Variants in MRTFA observed in about 807,000 individuals in gnomAD.
MRTFA encodes myocardin-related transcription factor A.
A neutral mutation model predicts 83.5 loss-of-function variants in MRTFA; 20 were observed. The observed-to-expected ratio is 0.24, with a 90% confidence interval of 0.17 to 0.35. MRTFA has a LOEUF of 0.35. MRTFA is among the 10% of genes least tolerant of loss of function. The pLI is 1.00. For missense variants in MRTFA, 1,200 were observed against 1,224.7 expected, an observed-to-expected ratio of 0.98 and a Z score of 0.30; for synonymous variants, 659 against 541.2, an observed-to-expected ratio of 1.22 and a Z score of -3.02.
intron 3 of MRTFA, among the ~76,000 whole-genome samples, chr22:40,504,919 C>G (rs1256679424): frequency 6.6e-6 from 1 of 152,230 alleles, no homozygotes; most frequent in Admixed American, 6.5e-5. Context: ...AGCTGATCCT[C>G]TACTTGCTGT....
At chr22:40,470,169 A>G (rs2053874404) in intron 3 of MRTFA, among the ~76,000 whole-genome samples, 1 of 142,702 alleles carries the variant, frequency 7.0e-6, no homozygotes, top group Non-Finnish European at 1.5e-5. Flanking sequence ...TGTTGCAGTG[A>G]GCCGAGATTG....
intron 1 of MRTFA, among the ~76,000 whole-genome samples, chr22:40,609,017 G>A (rs2056352385): frequency 6.6e-6 from 1 of 152,212 alleles, no homozygotes; most frequent in South Asian, 2.1e-4. Context: ...ATTTAGTTGG[G>A]CATGGTGGCT....
chr22:40,553,693 T>G (rs565520297), intron 2 of MRTFA, among the ~76,000 whole-genome samples: 54 of 152,258 alleles, frequency 3.5e-4, no homozygotes, highest in Non-Finnish European at 1.3e-4. Flanking sequence ...TAGGGCAGTA[T>G]GGAAGGCAAA....
Position 40,427,180 on chromosome 22 carries a change from C to T in MRTFA, c.601+2426G>A, listed in dbSNP as rs1258897618. Reference sequence around the variant, plus strand: ...GGCTGGCTGCAGCATCCAGAACTGGCTTGGCCCCTACACTGGCCTATAACT... The same window carrying T: ...GGCTGGCTGCAGCATCCAGAACTGGTTTGGCCCCTACACTGGCCTATAACT... On this transcript the variant is annotated intron_variant, in intron 7 of 14. Transcript: ENST00000355630. 3.9e-5 allele frequency among the ~76,000 whole-genome samples: 6 copies of T among 152,212 alleles called. 1 individual carries two copies. Among genetic ancestry groups the T allele is most frequent in the Non-Finnish European group, 8.8e-5 (6 of 68,036 alleles).
chr22:40,625,343 T>G (rs1025847999), intron 1 of MRTFA, among the ~76,000 whole-genome samples: 3 of 150,772 alleles, frequency 2.0e-5, no homozygotes, highest in Non-Finnish European at 2.9e-5. Flanking sequence ...AGGAGGGGTG[T>G]GTTGGCTCAA....
intron 14 of MRTFA, 187 bp from the exon 15 acceptor site, chr22:40,412,094 AAAG>A (rs1319154359): frequency 6.5e-6 from 3 of 459,512 alleles, no homozygotes; most frequent in African/African-American, 6.0e-5. Flanking sequence ...CATATTTGAT[AAAG>A]AAGTGATATC....
At chr22:40,490,429 C>T (rs911691174) in intron 3 of MRTFA, among the ~76,000 whole-genome samples, 2 of 152,036 alleles carry the variant, frequency 1.3e-5, no homozygotes, top group Non-Finnish European at 2.9e-5. Context: ...GAAACCCTGT[C>T]TCTGCTAAAA....
intron 4 of MRTFA, among the ~76,000 whole-genome samples, chr22:40,459,233 G>T (rs1183399912): frequency 9.7e-6 from 1 of 102,990 alleles, no homozygotes; most frequent in Non-Finnish European, 2.0e-5. Context: ...CTAGGTAGGG[G>T]TCTGGCAAAA....
At chr22:40,555,738 G>A (rs1032179424) in intron 2 of MRTFA, among the ~76,000 whole-genome samples, 3 of 151,230 alleles carry the variant, frequency 2.0e-5, no homozygotes, top group African/African-American at 7.3e-5. Context: ...CTGCATTCAC[G>A]CCATTCTCCT....
intron 4 of MRTFA, among the ~76,000 whole-genome samples, chr22:40,443,258 AC>A (rs2053313490): frequency 1.3e-5 from 2 of 150,598 alleles, no homozygotes; most frequent in Admixed American, 1.3e-4. Context: ...TCAAAAAAAA[AC>A]AAAAACAAAA....
chr22:40,515,641 C>T (rs1013910432), intron 3 of MRTFA, among the ~76,000 whole-genome samples: 11 of 152,104 alleles, frequency 7.2e-5, no homozygotes, highest in African/African-American at 2.7e-4. Context: ...ACCTAGAAAA[C>T]AGAGAGGCAG....
Position 40,429,784 on chromosome 22 carries a change from A to G in MRTFA, c.440-17T>C. 1 of 1,599,354 alleles carries G rather than the reference A, an allele frequency of 6.3e-7. No homozygotes were observed. The highest frequency in any genetic ancestry group is 8.5e-7 in the Non-Finnish European group (1 of 1,173,266). On this transcript the variant is annotated splice_polypyrimidine_tract_variant and intron_variant, in intron 6 of 14. Transcript: ENST00000355630. ...CCGAGGTCTCTGCCCATGGGAGAGA[A>G]AGGGGTGCAGGAAGATATATGAGTG...
At chr22:40,534,266 A>T (rs910142751) in intron 3 of MRTFA, among the ~76,000 whole-genome samples, 3 of 152,168 alleles carry the variant, frequency 2.0e-5, no homozygotes, top group Non-Finnish European at 4.4e-5. Flanking sequence ...ACATTTAACT[A>T]CAGAAGCTCA....
intron 4 of MRTFA, among the ~76,000 whole-genome samples, chr22:40,440,695 G>T (rs1277655342): frequency 1.3e-5 from 2 of 152,164 alleles, no homozygotes; most frequent in African/African-American, 4.8e-5. Context: ...TGTCCCGCCA[G>T]CTTTGTTAAA....
chr22:40,495,781 A>G (rs2054343703), intron 3 of MRTFA, among the ~76,000 whole-genome samples: 1 of 148,274 alleles, frequency 6.7e-6, no homozygotes, highest in Admixed American at 6.7e-5. Flanking sequence ...AAAAAAGTAC[A>G]CTGTCTGGCT....
rs1325050113 is a variant in MRTFA at position 40,423,622 on chromosome 22, G to A, written c.841C>T (p.Pro281Ser). The A allele has an allele frequency of 1.9e-6, 3 of 1,599,238 alleles. No individual in the cohort carries two copies. In the South Asian group the frequency reaches 3.4e-5, roughly 18 times the overall value. ...GGCAGCAGAGGTGGGGGAGGCAGAGGAGGCTGCTCTGCCAGGAAAAGCATT... is the reference window on the plus strand; with the variant it reads ...GGCAGCAGAGGTGGGGGAGGCAGAGAAGGCTGCTCTGCCAGGAAAAGCATT... The change falls in exon 9 of 15, where the codon CCT becomes TCT. Residue 281 changes from proline (P) to serine (S), a missense_variant. Physicochemically the swap from Pro to Ser is moderately conservative, Grantham distance 74. Around this residue, in one of 2 missense-constraint regions of MRTFA, gnomAD observed 1,107 missense variants for 1,041.8 expected, o/e 1.06. Coordinates refer to ENST00000355630, the MANE Select transcript of MRTFA (RefSeq NM_020831.6).
rs112030450 is a variant in MRTFA at position 40,480,085 on chromosome 22, T to C, written c.242-16799A>G. Reference sequence around the variant, plus strand: ...CATCTTATTTCTCACAACAAAGCTATGCAGACGATACAACTGTCATACCAT... The same window carrying C: ...CATCTTATTTCTCACAACAAAGCTACGCAGACGATACAACTGTCATACCAT... On this transcript the variant is annotated intron_variant, in intron 3 of 14. Transcript: ENST00000355630. Among the ~76,000 whole-genome samples the C allele has an allele frequency of 7.0e-4, 106 of 152,292 alleles. 1 individual carries two copies. Among genetic ancestry groups the C allele is most frequent in the African/African-American group, 2.3e-3 (95 of 41,544 alleles).
chr22:40,485,369 C>G (rs142820550), intron 3 of MRTFA, among the ~76,000 whole-genome samples: 2 of 152,142 alleles, frequency 1.3e-5, no homozygotes, highest in African/African-American at 4.8e-5. Flanking sequence ...TCTGCCTCTT[C>G]GATGCTTCTC....
rs143063954 is a variant in MRTFA, at chr22:40,530,589, G to A, written c.241+21517C>T. Among the ~76,000 whole-genome samples, 54 of 152,340 alleles carry A rather than the reference G, an allele frequency of 3.5e-4. No homozygotes were observed. The East Asian group carries it at 6.0e-3, about 17-fold the overall frequency. On this transcript the variant is annotated intron_variant, in intron 3 of 14. Transcript: ENST00000355630. ...TGGGATTACAGGCGTGCGCCACCGC[G>A]CCCGGCCCCATAATGTCCATCTTAG...
Sources: allele counts gnomAD v4.1 joint callset (sites outside exome capture counted in the v4.1 genomes callset), GRCh38; gene constraint gnomAD v4.1.1; regional missense constraint gnomAD v4.1.1; transcripts MANE v1.5; gene names NCBI Gene and HGNC (gene_info 2026-07-23, HGNC 2026-07-21).